Variants in VARS1 observed in about 807,000 individuals in gnomAD.
VARS1 encodes the protein valyl-tRNA synthetase 1, also known as valine--tRNA ligase.
VARS1 carries 92 observed loss-of-function variants against 161.0 expected under a neutral mutation model. The ratio of observed to expected loss-of-function variants is 0.57; its 90% CI spans 0.48 to 0.68. The LOEUF is 0.68. Ranked by LOEUF, VARS1 falls within the 30% of genes least tolerant of loss-of-function variation. The pLI is 0.00. For missense variants in VARS1, 1,338 were observed against 1,695.9 expected, an observed-to-expected ratio of 0.79 and a Z score of 3.71; for synonymous variants, 595 against 682.5, an observed-to-expected ratio of 0.87 and a Z score of 2.00.
intron 8 of VARS1, among the ~76,000 whole-genome samples, chr6:31,788,070 A>G (rs1813619297): frequency 6.6e-6 from 1 of 151,684 alleles, no homozygotes. Flanking sequence ...CAGTGAGCAG[A>G]GACTGCGCCA....
chr6:31,781,102 G>T lies in VARS1; in HGVS notation c.2566C>A (p.Arg856=), dbSNP rs761810499. 1 of 1,613,224 alleles carries T rather than the reference G, an allele frequency of 6.2e-7. No individual in the cohort carries two copies. The highest frequency in any genetic ancestry group is 1.7e-5 in the Admixed American group (1 of 60,030). ...FREVYLHAIV[R]DAHGRKMSKS... is the part of the protein sequence containing the mutation. ...CTCATCTTCCGGCCGTGAGCATCTCGCACGATGGCATGGAGGTAGACCTGC... is the reference window on the plus strand; with the variant it reads ...CTCATCTTCCGGCCGTGAGCATCTCTCACGATGGCATGGAGGTAGACCTGC... Residue 856 remains arginine (R), a synonymous_variant, in exon 22 of 30, where the codon CGA becomes AGA. Transcript: ENST00000375663. The surrounding 1 kb of genome is among the most constrained non-coding windows in gnomAD (Gnocchi z 6.8).
chr6:31,781,149 G>T lies in VARS1; in HGVS notation c.2545-26C>A. The T allele has an allele frequency of 6.2e-7, 1 of 1,610,792 alleles. No homozygotes were observed. Among genetic ancestry groups the T allele is most frequent in the Non-Finnish European group, 8.5e-7 (1 of 1,178,980 alleles). ...CTGCAGAGCAGGTGGGGAGGCCCAT[G>T]AGACTCAGTCCTCTCCTTCCCCGGC... On this transcript the variant is annotated intron_variant, in intron 21 of 29. Coordinates refer to ENST00000375663, the MANE Select transcript of VARS1 (RefSeq NM_006295.3). This position sits in a 1 kb window ranked among gnomAD's most constrained non-coding sequence, Gnocchi z 6.8.
chr6:31,785,543 T>C lies in VARS1; in HGVS notation c.1265+26A>G. Reference sequence around the variant, plus strand: ...AGGGGACAGGGAGGCAGGGCTGCGATGCCCACAGGGATGCTGCATACTCAC... The same window carrying C: ...AGGGGACAGGGAGGCAGGGCTGCGACGCCCACAGGGATGCTGCATACTCAC... On this transcript the variant is annotated intron_variant, in intron 9 of 29. Transcript: ENST00000375663. The surrounding 1 kb of genome is among the most constrained non-coding windows in gnomAD (Gnocchi z 6.1). 1 of 1,578,988 alleles carries C rather than the reference T, an allele frequency of 6.3e-7. No individual in the cohort carries two copies. Among genetic ancestry groups the C allele is most frequent in the Non-Finnish European group, 8.6e-7 (1 of 1,162,382 alleles).
chr6:31,794,951 G>T lies in VARS1; in HGVS notation c.267C>A (p.Gly89=), dbSNP rs1814161401. 1.2e-6 allele frequency: 2 copies of T among 1,612,574 alleles called. No homozygotes were observed. The highest frequency in any genetic ancestry group is 4.5e-5 in the East Asian group (2 of 44,872). ...GTTGGACAAGGACAGCCGCCCGGCT[G>T]CCCCCTGGGCCCCCCAGGCCTGCTG... ...LWPAGLGGPG[G]SRAAVLVQQW... is the part of the protein sequence containing the mutation. The change falls in exon 2 of 30, where the codon GGC becomes GGA. Residue 89 remains glycine (G), a synonymous_variant. Transcript: ENST00000375663.
Position 31,792,872 on chromosome 6 carries a change from C to T in VARS1, c.546G>A (p.Arg182=), listed in dbSNP as rs192709471. The stretch of plus-strand genomic sequence containing the variant: ...ACCAGCGAGTCACATTATTCCAGAT[C>T]CGGCGGGCAGGTGGGTCTAGGACCT... ...FRYVLDPPAR[R]IWNNVTRWFV... The change falls in exon 4 of 30, where the codon CGG becomes CGA. Residue 182 remains arginine (R), a synonymous_variant. Transcript: ENST00000375663. 579 of 1,614,162 alleles carry T rather than the reference C, an allele frequency of 3.6e-4. 1 individual carries two copies. Among genetic ancestry groups the T allele is most frequent in the Non-Finnish European group, 1.3e-4 (158 of 1,180,040 alleles).
In VARS1 at chr6:31,782,007, G is replaced by T; in HGVS notation, c.2242-55C>A. On this transcript the variant is annotated intron_variant, in intron 18 of 29. Coordinates refer to ENST00000375663, the MANE Select transcript of VARS1 (RefSeq NM_006295.3). The surrounding 1 kb of genome is among the most constrained non-coding windows in gnomAD (Gnocchi z 8.3). Reference sequence around the variant, plus strand: ...GGTGTGTCTGCTTCTGGCTCACCCTGCCCCTCCCCCCACCAAGGACCCAGT... The same window carrying T: ...GGTGTGTCTGCTTCTGGCTCACCCTTCCCCTCCCCCCACCAAGGACCCAGT... The T allele has an allele frequency of 6.2e-7, 1 of 1,612,264 alleles. No homozygotes were observed. The highest frequency in any genetic ancestry group is 8.5e-7 in the Non-Finnish European group (1 of 1,179,166).
Position 31,781,076 on chromosome 6 carries a change from G to A in VARS1, c.2592C>T (p.Ser864=). The change falls in exon 22 of 30, where the codon AGC becomes AGT. Residue 864 remains serine (S), a synonymous_variant. Coordinates refer to ENST00000375663, the MANE Select transcript of VARS1 (RefSeq NM_006295.3). The surrounding 1 kb of genome is among the most constrained non-coding windows in gnomAD (Gnocchi z 6.8). ...IVRDAHGRKM[S]KSLGNVIDPL... ...GATCGATGACATTGCCTAGAGACTT[G>A]CTCATCTTCCGGCCGTGAGCATCTC... The A allele has an allele frequency of 6.2e-7, 1 of 1,613,574 alleles. No individual in the cohort carries two copies. The highest frequency in any genetic ancestry group is 1.3e-5 in the African/African-American group (1 of 75,038).
In VARS1 at chr6:31,781,811, C is replaced by A. The variant is rs932437475; in HGVS notation, c.2347+36G>T. 4 of 1,613,004 alleles carry A rather than the reference C, an allele frequency of 2.5e-6. No homozygotes were observed. The highest frequency in any genetic ancestry group is 2.2e-5 in the East Asian group (1 of 44,884). ...TCAGAGGGAGTGGAGCTCTGCCCCC[C>A]ACAACTCCCTCCAGACCCTCAAAGC... On this transcript the variant is annotated intron_variant, in intron 19 of 29. Transcript: ENST00000375663. This position sits in a 1 kb window ranked among gnomAD's most constrained non-coding sequence, Gnocchi z 6.8.
chr6:31,783,664 CTT>C (rs113840487), intron 13 of VARS1, among the ~76,000 whole-genome samples: 4 of 142,776 alleles, frequency 2.8e-5, no homozygotes, highest in Non-Finnish European at 1.5e-5. Flanking sequence ...CTCTATTTAA[CTT>C]TTTTTTTTTT....
intron 8 of VARS1, among the ~76,000 whole-genome samples, chr6:31,790,763 A>C (rs1206207285): frequency 6.6e-6 from 1 of 152,106 alleles, no homozygotes; most frequent in Non-Finnish European, 1.5e-5. Flanking sequence ...TGTAAGAAGA[A>C]AGCTAGATCA....
chr6:31,779,358 G>A lies in VARS1; in HGVS notation c.3401-66C>T. On this transcript the variant is annotated intron_variant, in intron 28 of 29. Transcript: ENST00000375663. The surrounding 1 kb of genome is among the most constrained non-coding windows in gnomAD (Gnocchi z 9.1). The stretch of plus-strand genomic sequence containing the variant: ...ACAGGAAACCAAGCAGTCACTGCCG[G>A]ACACTGGGTCCCAGAGTAGGCTGAG... The A allele has an allele frequency of 6.2e-7, 1 of 1,602,692 alleles. No individual in the cohort carries two copies. Among genetic ancestry groups the A allele is most frequent in the Non-Finnish European group, 8.5e-7 (1 of 1,178,588 alleles).
chr6:31,792,601 A>C, intron 4 of VARS1, 85 bp from the exon 5 acceptor site: 3 of 1,604,632 alleles, frequency 1.9e-6, no homozygotes, highest in Non-Finnish European at 2.6e-6. Context: ...GGTATTTTAG[A>C]TGCCCGAGGT....
chr6:31,791,736 C>T lies in VARS1; in HGVS notation c.974G>A (p.Arg325His), dbSNP rs778148365. 6.2e-6 allele frequency: 10 copies of T among 1,613,010 alleles called. No homozygotes were observed. In the Admixed American group the frequency reaches 8.3e-5, roughly 13 times the overall value. ...GGGATTTGCTGCTGACACATTAGGACGCTGATGGTGGAGAAGGATGGCACA... is the reference window on the plus strand; with the variant it reads ...GGGATTTGCTGCTGACACATTAGGATGCTGATGGTGGAGAAGGATGGCACA... ...QQGFFKPEYG[R>H]PNVSAANPRG... Residue 325 changes from arginine (R) to histidine (H), a missense_variant and splice_region_variant, in exon 8 of 30, where the codon CGT (arginine) becomes CAT (histidine). Around this residue, in one of 3 missense-constraint regions of VARS1, gnomAD observed 902 missense variants for 1,090.3 expected, o/e 0.83. Coordinates refer to ENST00000375663, the MANE Select transcript of VARS1 (RefSeq NM_006295.3). This position sits in a 1 kb window ranked among gnomAD's most constrained non-coding sequence, Gnocchi z 5.0.
In VARS1 at chr6:31,779,756, T is replaced by C; in HGVS notation, c.3140A>G (p.Gln1047Arg). ...VDQVAAECAR[Q>R]TLYTCLDVGL... ...AACGTCCAGGCAAGTGTACAGGGTC[T>C]GGCGGGCACACTCAGCTGCCACCTG... Residue 1047 changes from glutamine to arginine, a missense_variant, in exon 27 of 30, where the codon CAG (glutamine) becomes CGG (arginine). By Grantham distance (43) the Gln-to-Arg change is conservative. Coordinates refer to ENST00000375663, the MANE Select transcript of VARS1 (RefSeq NM_006295.3). This position sits in a 1 kb window ranked among gnomAD's most constrained non-coding sequence, Gnocchi z 9.1. 6.2e-7 allele frequency: 1 copy of C among 1,613,016 alleles called. No homozygotes were observed. The highest frequency in any genetic ancestry group is 2.2e-5 in the East Asian group (1 of 44,878).
rs923921987 is a variant in VARS1 at position 31,791,153 on chromosome 6, C to G, written c.1100+457G>C. On this transcript the variant is annotated intron_variant, in intron 8 of 29. Transcript: ENST00000375663. The surrounding 1 kb of genome is among the most constrained non-coding windows in gnomAD (Gnocchi z 5.0). ...GCAACAGAACAAGACTCTGTCCCCC[C>G]AAAAAAAAATATATATATTCATATG... Among the ~76,000 whole-genome samples the G allele has an allele frequency of 6.7e-6, 1 of 149,232 alleles. No homozygotes were observed.
chr6:31,782,492 C>T lies in VARS1; in HGVS notation c.1991+38G>A. 1.9e-6 allele frequency: 3 copies of T among 1,612,598 alleles called. No homozygotes were observed. The highest frequency in any genetic ancestry group is 2.5e-6 in the Non-Finnish European group (3 of 1,179,820). ...GGCCAGGCGGTAAAACCCTGAGGAG[C>T]CCTCCATCTTCCTCCCGTCCCAGGC... On this transcript the variant is annotated intron_variant, in intron 16 of 29. Transcript: ENST00000375663. The surrounding 1 kb of genome is among the most constrained non-coding windows in gnomAD (Gnocchi z 8.3).
At chr6:31,790,602 CAAAAAAAAAA>C (rs9279419) in intron 8 of VARS1, among the ~76,000 whole-genome samples, 2 of 43,386 alleles carry the variant, frequency 4.6e-5, no homozygotes, top group African/African-American at 9.8e-5. Flanking sequence ...AACTCTGTCT[CAAAAAAAAAA>C]AAAAAAAAAA....
chr6:31,793,462 C>T (rs527307157), intron 2 of VARS1, among the ~76,000 whole-genome samples: 4 of 151,620 alleles, frequency 2.6e-5, no homozygotes, highest in East Asian at 3.9e-4. Flanking sequence ...GCCGAGATCA[C>T]GCCACTGCAC....
rs1356017147 is a variant in VARS1 at position 31,778,876 on chromosome 6, G to T, written c.3726+91C>A. 1.3e-6 allele frequency: 2 copies of T among 1,515,488 alleles called. No individual in the cohort carries two copies. The highest frequency in any genetic ancestry group is 1.2e-5 in the South Asian group (1 of 85,060). The allele number at this position is 1,515,488 out of a possible 1,614,324, so 93.9% of individuals were successfully genotyped here. ...ATCTGTAACTGGTTACGATCAATTA[G>T]TTGTCAACACCACTGCACTCGGACC... On this transcript the variant is annotated intron_variant, in intron 29 of 29. Coordinates refer to ENST00000375663, the MANE Select transcript of VARS1 (RefSeq NM_006295.3). This position sits in a 1 kb window ranked among gnomAD's most constrained non-coding sequence, Gnocchi z 5.1.
Sources: allele counts gnomAD v4.1 joint callset (sites outside exome capture counted in the v4.1 genomes callset), GRCh38; gene constraint gnomAD v4.1.1; regional missense constraint gnomAD v4.1.1; non-coding constraint Gnocchi (gnomAD v3.1); transcripts MANE v1.5; gene names NCBI Gene and HGNC (gene_info 2026-07-23, HGNC 2026-07-21).